NAALADL2: variants seen among roughly 807,000 people sequenced by gnomAD.
NAALADL2 encodes inactive N-acetylated-alpha-linked acidic dipeptidase-like protein 2.
NAALADL2 carries 76 observed loss-of-function variants against 87.2 expected under a neutral mutation model. That is an observed-to-expected ratio of 0.87 (90% CI 0.72 to 1.05). NAALADL2 has a LOEUF of 1.05. NAALADL2 is among the 50% of genes least tolerant of loss of function. The probability of loss-of-function intolerance (pLI) is 0.00; values close to 1 mark genes in which losing one functional copy is unlikely to be tolerated. For synonymous variants in NAALADL2, 354 were observed against 331.0 expected (o/e 1.07, Z -0.75); for missense variants, 1,089 against 945.8 (o/e 1.15, Z -1.99).
intron 2 of NAALADL2, among the ~76,000 whole-genome samples, chr3:174,642,225 G>A (rs1723270988): frequency 6.6e-6 from 1 of 151,942 alleles, no homozygotes; most frequent in Admixed American, 6.6e-5. Context: ...TGTTTTCCGG[G>A]CACAGTGGCT....
chr3:174,695,043 T>C (rs1728896533), intron 2 of NAALADL2, among the ~76,000 whole-genome samples: 1 of 152,058 alleles, frequency 6.6e-6, no homozygotes, highest in Non-Finnish European at 1.5e-5. Context: ...CATAAGAATG[T>C]GATACAAAAT....
intron 2 of NAALADL2, among the ~76,000 whole-genome samples, chr3:175,233,127 G>C (rs868406034): frequency 3.3e-5 from 5 of 152,206 alleles, no homozygotes; most frequent in African/African-American, 4.8e-5. Context: ...TTTTGTTTCG[G>C]TTTTATTGGA....
intron 2 of NAALADL2, among the ~76,000 whole-genome samples, chr3:174,569,587 G>C (rs1400704503): frequency 6.6e-6 from 1 of 151,990 alleles, no homozygotes; most frequent in Non-Finnish European, 1.5e-5. Context: ...TAATAACTTT[G>C]ATCAGGTGTT....
chr3:175,511,040 A>C (rs1206616905), intron 9 of NAALADL2, among the ~76,000 whole-genome samples: 2 of 152,180 alleles, frequency 1.3e-5, no homozygotes, highest in Admixed American at 1.3e-4. Context: ...TCAACAATTA[A>C]TTTAAGAGGC....
chr3:175,774,784 C>T (rs921151544), intron 13 of NAALADL2, among the ~76,000 whole-genome samples: 4 of 151,118 alleles, frequency 2.6e-5, no homozygotes, highest in South Asian at 4.2e-4. Flanking sequence ...GACATACTAC[C>T]GAAAAGTAAA....
At chr3:174,927,062 G>T (rs1736165577) in intron 1 of NAALADL2, among the ~76,000 whole-genome samples, 1 of 149,350 alleles carries the variant, frequency 6.7e-6, no homozygotes, top group African/African-American at 2.5e-5. Flanking sequence ...TTGCAATCCT[G>T]GTCTCTGATA....
intron 1 of NAALADL2, among the ~76,000 whole-genome samples, chr3:174,978,813 A>G (rs1473898620): frequency 1.3e-5 from 2 of 152,198 alleles, no homozygotes; most frequent in African/African-American, 4.8e-5. Context: ...CAAGAGAATT[A>G]AGAAGAGCCC....
intron 9 of NAALADL2, among the ~76,000 whole-genome samples, chr3:175,527,764 A>G (rs927576166): frequency 6.6e-5 from 10 of 152,322 alleles, no homozygotes; most frequent in Admixed American, 5.9e-4. Flanking sequence ...TATGCTTCTA[A>G]TAGATTAAGA....
At chr3:175,109,530 G>T (rs1343836099) in intron 2 of NAALADL2, among the ~76,000 whole-genome samples, 1 of 151,648 alleles carries the variant, frequency 6.6e-6, no homozygotes, top group Non-Finnish European at 1.5e-5. Context: ...ACACATTGTA[G>T]TAGGAATGAA....
rs575401342 is a variant in NAALADL2, at chr3:175,386,459, T to C, written c.1091-60770T>C. Among the ~76,000 whole-genome samples, 5 of 152,044 alleles carry C rather than the reference T, an allele frequency of 3.3e-5. No homozygotes were observed. The South Asian group carries it at 1.0e-3, about 31-fold the overall frequency. On this transcript the variant is annotated intron_variant, in intron 5 of 13. Coordinates refer to ENST00000454872, the MANE Select transcript of NAALADL2 (RefSeq NM_207015.3). ...ATTTTTGACAAGAATATTTCATAGGTGTAATTGTGTATTTCTGTCAAGAGG... is the reference window on the plus strand; with the variant it reads ...ATTTTTGACAAGAATATTTCATAGGCGTAATTGTGTATTTCTGTCAAGAGG...
chr3:175,494,427 C>T (rs565932622), intron 9 of NAALADL2, among the ~76,000 whole-genome samples: 1 of 152,046 alleles, frequency 6.6e-6, no homozygotes, highest in South Asian at 2.1e-4. Flanking sequence ...CCTGTAGCTT[C>T]AGGAGATCAA....
intron 3 of NAALADL2, among the ~76,000 whole-genome samples, chr3:175,245,857 G>A (rs967139172): frequency 5.9e-5 from 9 of 152,136 alleles, no homozygotes; most frequent in African/African-American, 9.7e-5. Context: ...AACTTGTGCT[G>A]TACTAGTTAC....
At chr3:174,992,321 T>A (rs1746849858) in intron 1 of NAALADL2, among the ~76,000 whole-genome samples, 1 of 152,156 alleles carries the variant, frequency 6.6e-6, no homozygotes, top group Non-Finnish European at 1.5e-5. Context: ...ATAAGATCAT[T>A]GTTGATTTGA....
chr3:174,643,612 C>T (rs1445794417), intron 2 of NAALADL2, among the ~76,000 whole-genome samples: 1 of 152,118 alleles, frequency 6.6e-6, no homozygotes, highest in Non-Finnish European at 1.5e-5. Context: ...CGAGATTATG[C>T]CACTGCACTC....
At chr3:174,847,339 G>C (rs1051062852) in intron 3 of NAALADL2, among the ~76,000 whole-genome samples, 1 of 152,166 alleles carries the variant, frequency 6.6e-6, no homozygotes, top group East Asian at 1.9e-4. Flanking sequence ...CAAATTTAAA[G>C]AGGAATATCT....
At chr3:174,862,822 GT>G (rs1726663937) in intron 1 of NAALADL2, among the ~76,000 whole-genome samples, 1 of 152,124 alleles carries the variant, frequency 6.6e-6, no homozygotes, top group African/African-American at 2.4e-5. Context: ...CTGCCTGGAT[GT>G]TTTGAGCGTT....
At chr3:174,901,128 T>C (rs1732253249) in intron 1 of NAALADL2, among the ~76,000 whole-genome samples, 1 of 152,104 alleles carries the variant, frequency 6.6e-6, no homozygotes, top group Non-Finnish European at 1.5e-5. Flanking sequence ...TGTCTAGGGG[T>C]TAAAAGTGTC....
At chr3:174,620,020 C>T (rs578094806) in intron 2 of NAALADL2, among the ~76,000 whole-genome samples, 3 of 151,978 alleles carry the variant, frequency 2.0e-5, no homozygotes, top group South Asian at 2.1e-4. Flanking sequence ...ATCTAAAAAG[C>T]GATAGAGCCC....
At chr3:174,517,528 A>G (rs1384579271) in intron 1 of NAALADL2, among the ~76,000 whole-genome samples, 3 of 152,060 alleles carry the variant, frequency 2.0e-5, no homozygotes, top group Non-Finnish European at 4.4e-5. Context: ...AAATAATTTT[A>G]TCTGAAGAAA....
Sources: allele counts gnomAD v4.1 joint callset (sites outside exome capture counted in the v4.1 genomes callset), GRCh38; gene constraint gnomAD v4.1.1; transcripts MANE v1.5; gene names NCBI Gene and HGNC (gene_info 2026-07-23, HGNC 2026-07-21).